NRG3: variants seen among roughly 807,000 people sequenced by gnomAD.
NRG3 encodes the protein neuregulin 3, also known as pro-neuregulin-3, membrane-bound isoform.
In NRG3, 31 loss-of-function variants were observed where a neutral mutation model predicts 66.9. The ratio of observed to expected loss-of-function variants is 0.46; its 90% CI spans 0.35 to 0.63. NRG3 has a LOEUF of 0.63. Among genes scored for constraint, NRG3 ranks in the 20% least tolerant of loss-of-function variants. The pLI, the probability that NRG3 is intolerant of heterozygous loss-of-function variation, is 0.00. For missense variants in NRG3, 910 were observed against 878.9 expected, an observed-to-expected ratio of 1.04 and a Z score of -0.45; for synonymous variants, 393 against 359.4, an observed-to-expected ratio of 1.09 and a Z score of -1.06.
chr10:82,586,251 A>C (rs1051329806), intron 2 of NRG3, among the ~76,000 whole-genome samples: 1 of 151,946 alleles, frequency 6.6e-6, no homozygotes, highest in East Asian at 1.9e-4. Flanking sequence ...AAAAAAAAAA[A>C]AAACAAGAAA....
chr10:82,867,595 A>C (rs1037324613), intron 4 of NRG3, among the ~76,000 whole-genome samples: 1 of 152,226 alleles, frequency 6.6e-6, no homozygotes, highest in African/African-American at 2.4e-5. Flanking sequence ...TGAGAAAATA[A>C]AAACAGCTCT....
chr10:82,623,936 T>C (rs1436394574), intron 2 of NRG3, among the ~76,000 whole-genome samples: 1 of 152,042 alleles, frequency 6.6e-6, no homozygotes, highest in Non-Finnish European at 1.5e-5. Flanking sequence ...ATGCTTCCTG[T>C]TGCCAGATCA....
chr10:82,197,786 A>G (rs1211274546), intron 1 of NRG3, among the ~76,000 whole-genome samples: 1 of 152,178 alleles, frequency 6.6e-6, no homozygotes, highest in African/African-American at 2.4e-5. Context: ...AGAAACAAAA[A>G]TTTTGAGTCC....
At chr10:82,528,740 T>C (rs1225953101) in intron 2 of NRG3, among the ~76,000 whole-genome samples, 1 of 152,198 alleles carries the variant, frequency 6.6e-6, no homozygotes, top group East Asian at 1.9e-4. Context: ...CTATTTAGTT[T>C]AGAAAAGAAG....
chr10:82,795,423 A>G (rs953817929), intron 3 of NRG3, among the ~76,000 whole-genome samples: 1 of 152,130 alleles, frequency 6.6e-6, no homozygotes, highest in African/African-American at 2.4e-5. Context: ...ATTCCTTACT[A>G]TTATATTCTT....
intron 4 of NRG3, among the ~76,000 whole-genome samples, chr10:82,946,168 A>G (rs1848996236): frequency 6.6e-6 from 1 of 151,120 alleles, no homozygotes; most frequent in Non-Finnish European, 1.5e-5. Flanking sequence ...AGGCTTTTTG[A>G]TAGTGCAAGG....
intron 1 of NRG3, among the ~76,000 whole-genome samples, chr10:82,216,707 C>T (rs2075706343): frequency 6.6e-6 from 1 of 151,018 alleles, no homozygotes; most frequent in Non-Finnish European, 1.5e-5. Flanking sequence ...CTCATAGCTA[C>T]AGACTCTGTA....
intron 1 of NRG3, among the ~76,000 whole-genome samples, chr10:82,249,213 A>G (rs2077377643): frequency 1.3e-5 from 2 of 152,172 alleles, no homozygotes; most frequent in South Asian, 4.1e-4. Flanking sequence ...CTCCTTGGGG[A>G]AGAGCCTTTA....
chr10:82,767,127 A>G (rs2059546080), intron 3 of NRG3, among the ~76,000 whole-genome samples: 1 of 151,722 alleles, frequency 6.6e-6, no homozygotes, highest in Non-Finnish European at 1.5e-5. Context: ...CTTTCAGTAT[A>G]GCTTCTTGGA....
intron 2 of NRG3, among the ~76,000 whole-genome samples, chr10:82,543,254 T>A (rs1246809588): frequency 5.3e-5 from 8 of 152,108 alleles, no homozygotes; most frequent in Non-Finnish European, 2.9e-5. Flanking sequence ...ATGTGGTCTG[T>A]GGGTTACATA....
chr10:82,406,599 C>T (rs1278301453), intron 2 of NRG3, among the ~76,000 whole-genome samples: 1 of 152,138 alleles, frequency 6.6e-6, no homozygotes, highest in African/African-American at 2.4e-5. Context: ...AACACTGGAA[C>T]TTGGGTAATG....
At chr10:82,821,221 G>C (rs1274954860) in intron 3 of NRG3, among the ~76,000 whole-genome samples, 2 of 152,054 alleles carry the variant, frequency 1.3e-5, no homozygotes, top group Non-Finnish European at 2.9e-5. Flanking sequence ...TTGTCCCTCT[G>C]CCCCACAGAG....
At chr10:82,030,251 T>A (rs1483837942) in intron 1 of NRG3, among the ~76,000 whole-genome samples, 1 of 152,068 alleles carries the variant, frequency 6.6e-6, no homozygotes, top group Non-Finnish European at 1.5e-5. Context: ...TGAATAAGGC[T>A]GTTGAGCTCC....
intron 1 of NRG3, among the ~76,000 whole-genome samples, chr10:82,121,678 C>G (rs1272854495): frequency 1.3e-5 from 2 of 152,216 alleles, no homozygotes; most frequent in Non-Finnish European, 2.9e-5. Flanking sequence ...AGGCCTTGCT[C>G]TGTTGCCCAG....
chr10:82,861,256 A>G (rs1257995446), intron 3 of NRG3, among the ~76,000 whole-genome samples: 1 of 151,918 alleles, frequency 6.6e-6, no homozygotes, highest in Non-Finnish European at 1.5e-5. Context: ...CAGTGGTGTC[A>G]GTTGCCATGA....
intron 1 of NRG3, among the ~76,000 whole-genome samples, chr10:82,007,840 A>G (rs1219722717): frequency 1.3e-5 from 2 of 152,196 alleles, no homozygotes; most frequent in African/African-American, 2.4e-5. Flanking sequence ...GTGAATGACA[A>G]TTGACATCTA....
At chr10:82,183,389 G>A (rs1027978472) in intron 1 of NRG3, among the ~76,000 whole-genome samples, 2 of 151,346 alleles carry the variant, frequency 1.3e-5, no homozygotes, top group Non-Finnish European at 2.9e-5. Context: ...CCTTTCTTTG[G>A]GTTCGTTAAC....
chr10:82,371,235 C>G (rs1401090918), intron 2 of NRG3, among the ~76,000 whole-genome samples: 1 of 151,970 alleles, frequency 6.6e-6, no homozygotes, highest in Non-Finnish European at 1.5e-5. Context: ...TCTTCCTCAA[C>G]TATATAAAAT....
At chr10:82,587,107 T>C (rs2046721249) in intron 2 of NRG3, among the ~76,000 whole-genome samples, 1 of 152,150 alleles carries the variant, frequency 6.6e-6, no homozygotes, top group Non-Finnish European at 1.5e-5. Flanking sequence ...TTTGCCTTAT[T>C]CATGCTCATT....
Sources: gnomAD v4.1 joint callset for allele counts (sites outside exome capture counted in the v4.1 genomes callset) on GRCh38, gnomAD v4.1.1 for gene constraint, MANE v1.5 for transcripts, NCBI Gene and HGNC (gene_info 2026-07-23, HGNC 2026-07-21) for gene names.